SYT1: variants seen among roughly 807,000 people sequenced by gnomAD.
SYT1 encodes synaptotagmin-1.
SYT1 carries 8 observed loss-of-function variants against 44.8 expected under a neutral mutation model. The observed-to-expected ratio is 0.18, with a 90% CI of 0.10 to 0.32. SYT1 has a LOEUF of 0.32. Among genes scored for constraint, SYT1 ranks in the 10% least tolerant of loss-of-function variants. SYT1 has a pLI of 1.00. For synonymous variants in SYT1, 154 were observed against 188.8 expected, an observed-to-expected ratio of 0.82 and a Z score of 1.51; for missense variants, 286 against 509.3, an observed-to-expected ratio of 0.56 and a Z score of 4.22.
intron 4 of SYT1, among the ~76,000 whole-genome samples, chr12:79,281,478 G>A (rs992522846): frequency 1.3e-5 from 2 of 152,128 alleles, no homozygotes; most frequent in African/African-American, 4.8e-5. Flanking sequence ...TGAAAGCTAA[G>A]CTATGGGTAT....
At position 79,030,289 on chromosome 12, in the gene SYT1, T is replaced by C. The variant is rs1872753045; in HGVS notation, c.-83-17008T>C. On this transcript the variant is annotated intron_variant, in intron 2 of 10. Transcript: ENST00000261205. ...CCTTATTCTAAGGATGTCTACAATA[T>C]GGTCCAATCAACTTTTTCAGTCTTC... 5.3e-5 allele frequency among the ~76,000 whole-genome samples: 8 copies of C among 151,012 alleles called. No individual in the cohort carries two copies. The South Asian group carries it at 1.7e-3, about 31-fold the overall frequency.
intron 8 of SYT1, among the ~76,000 whole-genome samples, chr12:79,311,761 C>T (rs554515978): frequency 2.7e-5 from 4 of 146,064 alleles, no homozygotes; most frequent in Admixed American, 6.9e-5. Context: ...AGTAAACTAT[C>T]GCAAGGACAA....
At chr12:79,165,244 G>T (rs906411236) in intron 3 of SYT1, among the ~76,000 whole-genome samples, 2 of 151,904 alleles carry the variant, frequency 1.3e-5, no homozygotes, top group Non-Finnish European at 2.9e-5. Context: ...ATTTATGGCT[G>T]AAAATTATAA....
At chr12:79,244,720 A>G (rs1876718224) in intron 4 of SYT1, among the ~76,000 whole-genome samples, 1 of 152,038 alleles carries the variant, frequency 6.6e-6, no homozygotes, top group Admixed American at 6.6e-5. Flanking sequence ...AGAAGAAAAA[A>G]AAAAAAAAAG....
Position 78,995,191 on chromosome 12 carries a change from T to C in SYT1, c.-84+17260T>C, listed in dbSNP as rs1229249346. 1.1e-4 allele frequency among the ~76,000 whole-genome samples: 16 copies of C among 152,302 alleles called. No homozygotes were observed. In the South Asian group the frequency reaches 2.9e-3, roughly 28 times the overall value. On this transcript the variant is annotated intron_variant, in intron 2 of 10. Coordinates refer to ENST00000261205, the MANE Select transcript of SYT1 (RefSeq NM_005639.3). The stretch of plus-strand genomic sequence containing the variant: ...CACAGTGAAGCCTGAGAACCACTAA[T>C]TGAAGTTTTAACAAGAATCCCCAGG...
At chr12:78,978,996 T>C (rs1282113181) in intron 2 of SYT1, among the ~76,000 whole-genome samples, 1 of 152,202 alleles carries the variant, frequency 6.6e-6, no homozygotes, top group Non-Finnish European at 1.5e-5. Flanking sequence ...ATTTCAGTAC[T>C]AGAACTTTCT....
intron 3 of SYT1, among the ~76,000 whole-genome samples, chr12:79,210,687 C>T (rs1044785377): frequency 2.6e-5 from 4 of 152,102 alleles, no homozygotes; most frequent in African/African-American, 9.7e-5. Context: ...TTTGCAATTG[C>T]GAATTGTGCT....
At chr12:79,311,983 C>G (rs943971383) in intron 8 of SYT1, among the ~76,000 whole-genome samples, 94 of 150,882 alleles carry the variant, frequency 6.2e-4, no homozygotes, top group African/African-American at 2.1e-3. Context: ...CTAACCTGCA[C>G]ATTGTGCACA....
chr12:79,206,459 C>T (rs1302818039), intron 3 of SYT1, among the ~76,000 whole-genome samples: 1 of 152,036 alleles, frequency 6.6e-6, no homozygotes, highest in African/African-American at 2.4e-5. Context: ...AACAACTGGG[C>T]CTGGCAGACA....
intron 3 of SYT1, among the ~76,000 whole-genome samples, chr12:79,078,261 A>C (rs1482801797): frequency 1.3e-5 from 2 of 152,024 alleles, no homozygotes; most frequent in Non-Finnish European, 2.9e-5. Context: ...TTCTCCCCTC[A>C]CCTTCACTCT....
In SYT1 at chr12:78,929,446, A is replaced by AAAAAAAAAAAAAAG. The variant is rs373264605; in HGVS notation, c.-216-48353_-216-48352insAAAAAAAAAAAAAG. On this transcript the variant is annotated intron_variant, in intron 1 of 10. Coordinates refer to ENST00000261205, the MANE Select transcript of SYT1 (RefSeq NM_005639.3). ...AAAAAAAAAAAAAAAAAAAAAAAAA[A>AAAAAAAAAAAAAAG]GGTTATTAGCAGCAATTAGTTTTAT... Among the ~76,000 whole-genome samples the AAAAAAAAAAAAAAG allele has an allele frequency of 1.1e-3, 147 of 128,566 alleles. 29 individuals carry two copies. The highest frequency in any genetic ancestry group is 5.4e-3 in the African/African-American group (141 of 25,884). The allele number at this position is 128,566 out of a possible 152,430, so 84.3% of individuals were successfully genotyped here.
At chr12:79,423,218 TTTG>T (rs1384258025) in intron 9 of SYT1, among the ~76,000 whole-genome samples, 1 of 152,172 alleles carries the variant, frequency 6.6e-6, no homozygotes, top group African/African-American at 2.4e-5. Flanking sequence ...GCATGCATGC[TTTG>T]TTTTGTTTTA....
intron 2 of SYT1, among the ~76,000 whole-genome samples, chr12:78,989,452 G>A (rs61928075): frequency 0.084 from 12,746 of 152,086 alleles, 664 homozygotes; most frequent in African/African-American, 0.14. Context: ...CCCTGGGTCA[G>A]CCTCTCTGGG....
chr12:79,251,995 G>GATAGATAA (rs1555211623), intron 4 of SYT1, among the ~76,000 whole-genome samples: 1 of 151,734 alleles, frequency 6.6e-6, no homozygotes, highest in Non-Finnish European at 1.5e-5. Context: ...TAGATAGATA[G>GATAGATAA]ATAGATAGAT....
At chr12:79,357,095 A>G (rs1418434608) in intron 9 of SYT1, among the ~76,000 whole-genome samples, 2 of 152,272 alleles carry the variant, frequency 1.3e-5, no homozygotes, top group Admixed American at 1.3e-4. Flanking sequence ...ATGAAAACAT[A>G]TGTAAAATAA....
Position 78,908,987 on chromosome 12 carries a change from C to T in SYT1, c.-217+43878C>T, listed in dbSNP as rs1029535670. On this transcript the variant is annotated intron_variant, in intron 1 of 10. Coordinates refer to ENST00000261205, the MANE Select transcript of SYT1 (RefSeq NM_005639.3). Reference sequence around the variant, plus strand: ...TCAATCAACCAAAAGATTCCTAATCCCTGCAGGACAAAGAGGGCATGGAAG... The same window carrying T: ...TCAATCAACCAAAAGATTCCTAATCTCTGCAGGACAAAGAGGGCATGGAAG... Among the ~76,000 whole-genome samples, 6 of 151,598 alleles carry T rather than the reference C, an allele frequency of 4.0e-5. No homozygotes were observed. In the East Asian group the frequency reaches 1.2e-3, roughly 29 times the overall value.
intron 3 of SYT1, among the ~76,000 whole-genome samples, chr12:79,154,568 C>A (rs1240569964): frequency 6.6e-6 from 1 of 151,904 alleles, no homozygotes; most frequent in East Asian, 1.9e-4. Flanking sequence ...GGAAAAAGAG[C>A]AAAACATTGA....
At chr12:79,336,460 A>C (rs888272241) in intron 8 of SYT1, among the ~76,000 whole-genome samples, 1 of 150,262 alleles carries the variant, frequency 6.7e-6, no homozygotes, top group Non-Finnish European at 1.5e-5. Flanking sequence ...ATCTTTCTCT[A>C]TTTTTCCTAC....
chr12:79,247,305 T>C (rs1372449168), intron 4 of SYT1, among the ~76,000 whole-genome samples: 1 of 152,166 alleles, frequency 6.6e-6, no homozygotes, highest in Non-Finnish European at 1.5e-5. Context: ...TTCACTGCTT[T>C]TAAAAAGATA....
Sources: gnomAD v4.1 joint callset for allele counts (sites outside exome capture counted in the v4.1 genomes callset) on GRCh38, gnomAD v4.1.1 for gene constraint, MANE v1.5 for transcripts, NCBI Gene and HGNC (gene_info 2026-07-23, HGNC 2026-07-21) for gene names.